Variants in ELMOD1 observed in about 807,000 individuals in gnomAD.
The protein encoded by ELMOD1 is ELMO domain-containing protein 1.
A neutral mutation model predicts 46.7 loss-of-function variants in ELMOD1; 21 were observed. The ratio of observed to expected loss-of-function variants is 0.45; its 90% confidence interval spans 0.32 to 0.65. The LOEUF (loss-of-function observed/expected upper bound fraction) is 0.65. Among genes scored for constraint, ELMOD1 ranks in the 30% least tolerant of loss-of-function variants. ELMOD1 has a pLI of 0.04. For synonymous variants in ELMOD1, 122 were observed against 138.2 expected (o/e 0.88, Z 0.82); for missense variants, 348 against 407.8 (o/e 0.85, Z 1.26).
chr11:107,597,754 A>C (rs1004455640), intron 1 of ELMOD1, among the ~76,000 whole-genome samples: 6 of 152,208 alleles, frequency 3.9e-5, no homozygotes, highest in Admixed American at 1.3e-4. Context: ...GTAATTAATC[A>C]ATCTAACTAA....
intron 1 of ELMOD1, among the ~76,000 whole-genome samples, chr11:107,617,362 C>T (rs2135672940): frequency 6.6e-6 from 1 of 152,312 alleles, no homozygotes; most frequent in Admixed American, 6.5e-5. Flanking sequence ...TCTCTTTTCT[C>T]ATGAGATAAC....
intron 1 of ELMOD1, among the ~76,000 whole-genome samples, chr11:107,594,406 A>G (rs503944): frequency 6.6e-6 from 1 of 152,206 alleles, no homozygotes. Flanking sequence ...TTCTGAAAGA[A>G]AGATTTTAAA....
intron 11 of ELMOD1, among the ~76,000 whole-genome samples, chr11:107,664,535 A>T (rs1866806583): frequency 6.6e-6 from 1 of 152,178 alleles, no homozygotes; most frequent in African/African-American, 2.4e-5. Context: ...TTCAGGGTTG[A>T]TTTACAATTT....
intron 1 of ELMOD1, among the ~76,000 whole-genome samples, chr11:107,595,071 C>G (rs1343198033): frequency 6.6e-6 from 1 of 152,022 alleles, no homozygotes; most frequent in Admixed American, 6.6e-5. Context: ...AACAGTTACT[C>G]ATTTCTTGAA....
chr11:107,660,302 GTAGAAGAA>G (rs1221074920), intron 11 of ELMOD1, among the ~76,000 whole-genome samples: 5 of 152,156 alleles, frequency 3.3e-5, no homozygotes, highest in Non-Finnish European at 7.3e-5. Context: ...TTCCATCTAG[GTAGAAGAA>G]TAGAAGAATA....
At chr11:107,619,732 T>C (rs948293522) in intron 2 of ELMOD1, among the ~76,000 whole-genome samples, 2 of 152,252 alleles carry the variant, frequency 1.3e-5, no homozygotes, top group African/African-American at 4.8e-5. Flanking sequence ...AATTAATTTG[T>C]ATATGATGAT....
At chr11:107,604,546 T>C (rs1865656001) in intron 1 of ELMOD1, among the ~76,000 whole-genome samples, 1 of 152,194 alleles carries the variant, frequency 6.6e-6, no homozygotes, top group Admixed American at 6.5e-5. Context: ...AAGATACTTT[T>C]TTCCCCCACA....
chr11:107,597,377 G>T (rs483468), intron 1 of ELMOD1, among the ~76,000 whole-genome samples: 1 of 152,014 alleles, frequency 6.6e-6, no homozygotes, highest in African/African-American at 2.4e-5. Context: ...TCACTTGAGC[G>T]TTAGCAAGCA....
rs766195488 is a variant in ELMOD1 at position 107,654,141 on chromosome 11, GACTT to G, written c.648-21_648-18del. ...CAAGTACCAATTAGAGGTTAAATCT[GACTT>G]ACTTACTTATTCATTCATCCATTCA... is the stretch of plus-strand genomic sequence containing the variant. On this transcript the variant is annotated intron_variant, in intron 9 of 11. Coordinates refer to ENST00000265840, the MANE Select transcript of ELMOD1 (RefSeq NM_018712.4). The G allele has an allele frequency of 8.1e-4, 1,252 of 1,553,668 alleles. 2 individuals carry two copies. Among genetic ancestry groups the G allele is most frequent in the Middle Eastern group, 2.2e-3 (13 of 5,976 alleles).
At chr11:107,653,108 A>G (rs1167981192) in intron 9 of ELMOD1, among the ~76,000 whole-genome samples, 1 of 152,174 alleles carries the variant, frequency 6.6e-6, no homozygotes, top group Non-Finnish European at 1.5e-5. Context: ...TTACATCTCT[A>G]TCTGCATTGG....
intron 4 of ELMOD1, 21 bp downstream of exon 4, chr11:107,630,749 GC>G (rs1391351977): frequency 6.3e-7 from 1 of 1,587,010 alleles, no homozygotes; most frequent in Admixed American, 1.8e-5. Context: ...TTATTTTTCA[GC>G]AGCTTTTTTT....
intron 1 of ELMOD1, among the ~76,000 whole-genome samples, chr11:107,610,614 G>T (rs1318698901): frequency 6.8e-6 from 1 of 146,648 alleles, no homozygotes; most frequent in Non-Finnish European, 1.5e-5. Flanking sequence ...AGTGAGCCAA[G>T]ATTGTGCCAC....
chr11:107,616,828 C>T (rs1865871147), intron 1 of ELMOD1, among the ~76,000 whole-genome samples: 1 of 152,168 alleles, frequency 6.6e-6, no homozygotes, highest in Non-Finnish European at 1.5e-5. Flanking sequence ...GCTTCAGGTT[C>T]ACCTTGCCCT....
At chr11:107,628,160 T>A (rs369685658) in intron 2 of ELMOD1, among the ~76,000 whole-genome samples, 4,537 of 149,536 alleles carry the variant, frequency 0.03, 235 homozygotes, top group African/African-American at 0.1. Flanking sequence ...AGCTGAGGGG[T>A]TTTTTTGTTT....
Position 107,665,998 on chromosome 11 carries a change from T to G in ELMOD1, c.*801T>G, listed in dbSNP as rs1866838483. On this transcript the variant is annotated 3_prime_UTR_variant, in exon 12 of 12. Coordinates refer to ENST00000265840, the MANE Select transcript of ELMOD1 (RefSeq NM_018712.4). Reference sequence around the variant, plus strand: ...ATAAATAAATAAATAAATAAATAAATAAATAAATAAATAAATAAAATAGTA... The same window carrying G: ...ATAAATAAATAAATAAATAAATAAAGAAATAAATAAATAAATAAAATAGTA... 1.3e-5 allele frequency: 2 copies of G among 151,004 alleles called. No homozygotes were observed. Among genetic ancestry groups the G allele is most frequent in the Admixed American group, 1.3e-4 (2 of 15,066 alleles). 9.4% of individuals were successfully genotyped at this position (151,004 alleles called of 1,614,324 possible).
At chr11:107,618,286 T>C in intron 2 of ELMOD1, 80 bp downstream of exon 2, 3 of 1,438,534 alleles carry the variant, frequency 2.1e-6, no homozygotes, top group Non-Finnish European at 2.9e-6. Context: ...TTACCAGTCA[T>C]CGTTTGTGAT....
chr11:107,592,437 A>G (rs762516574), intron 1 of ELMOD1: 1 of 534,526 alleles, frequency 1.9e-6, no homozygotes, highest in Non-Finnish European at 3.8e-6. Context: ...TCTGCAATGT[A>G]TACGTTTTGT....
rs1328907414 is a variant in ELMOD1, at chr11:107,592,329, G to T, written c.-86+920G>T. The T allele has an allele frequency of 1.1e-5, 6 of 533,058 alleles. No homozygotes were observed. In the African/African-American group the frequency reaches 1.2e-4, roughly 10 times the overall value. The allele number at this position is 533,058 out of a possible 1,614,324, so 33.0% of individuals were successfully genotyped here. On this transcript the variant is annotated intron_variant, in intron 1 of 11. Coordinates refer to ENST00000265840, the MANE Select transcript of ELMOD1 (RefSeq NM_018712.4). Reference sequence around the variant, plus strand: ...TTTCCCCCACCACCTAGGAAAATACGCTGCTAACCCCCAGTGGGCCGTAGA... The same window carrying T: ...TTTCCCCCACCACCTAGGAAAATACTCTGCTAACCCCCAGTGGGCCGTAGA...
chr11:107,664,752 A>C (rs1591144421), intron 11 of ELMOD1, among the ~76,000 whole-genome samples: 1 of 98,370 alleles, frequency 1.0e-5, no homozygotes, highest in Non-Finnish European at 1.7e-5. Context: ...ATTCATACTC[A>C]AGAGATGGCA....
Sources: gnomAD v4.1 joint callset for allele counts (sites outside exome capture counted in the v4.1 genomes callset) on GRCh38, gnomAD v4.1.1 for gene constraint, MANE v1.5 for transcripts, NCBI Gene and HGNC (gene_info 2026-07-23, HGNC 2026-07-21) for gene names.